The following SLC1A1 variants were observed in gnomAD, a reference collection of about 807,000 sequenced individuals.
SLC1A1 encodes the protein solute carrier family 1 member 1.
Under a neutral mutation model 53.3 loss-of-function variants are expected in SLC1A1, and 43 were observed. The ratio of observed to expected loss-of-function variants is 0.81; its 90% confidence interval spans 0.63 to 1.04. The LOEUF (loss-of-function observed/expected upper bound fraction) is 1.04, where lower values mean the gene tolerates loss of function less well. SLC1A1 is among the 50% of genes least tolerant of loss of function. The pLI, the probability that SLC1A1 is intolerant of heterozygous loss-of-function variation, is 0.00. For synonymous variants in SLC1A1, 307 were observed against 243.2 expected, an observed-to-expected ratio of 1.26 and a Z score of -2.44; for missense variants, 748 against 664.9, an observed-to-expected ratio of 1.12 and a Z score of -1.37.
chr9:4,579,837 G>C (rs901209231), intron 10 of SLC1A1, among the ~76,000 whole-genome samples: 3 of 152,084 alleles, frequency 2.0e-5, no homozygotes, highest in African/African-American at 4.8e-5. Context: ...CCCTTTTGTG[G>C]CTTTATCATA....
At chr9:4,525,975 A>C (rs780728789) in intron 1 of SLC1A1, among the ~76,000 whole-genome samples, 1 of 152,182 alleles carries the variant, frequency 6.6e-6, no homozygotes, top group African/African-American at 2.4e-5. Flanking sequence ...ATCAACACAG[A>C]ATTTAGAAGG....
rs1819611585 is a variant in SLC1A1 at position 4,567,616 on chromosome 9, T to A, written c.484-53T>A. 6 of 1,197,534 alleles carry A rather than the reference T, an allele frequency of 5.0e-6. No individual in the cohort carries two copies. The South Asian group carries it at 7.6e-5, about 15-fold the overall frequency. The allele number at this position is 1,197,534 out of a possible 1,614,324, so 74.2% of individuals were successfully genotyped here. A position where few individuals can be genotyped will look rare whatever the true frequency, so the allele number is the denominator to read the frequency against. ...GTTCCTGTGATTTAGTCTCAAAAGC[T>A]TAAAAAAAATTCTTTTTTTGTTTGC... On this transcript the variant is annotated intron_variant, in intron 5 of 11. Coordinates refer to ENST00000262352, the MANE Select transcript of SLC1A1 (RefSeq NM_004170.6).
intron 2 of SLC1A1, among the ~76,000 whole-genome samples, chr9:4,555,837 G>A (rs1818324190): frequency 1.3e-5 from 2 of 152,136 alleles, no homozygotes; most frequent in South Asian, 4.2e-4. Context: ...TCCGCACCAG[G>A]GCTTCACAAA....
Position 4,580,562 on chromosome 9 carries a change from CAG to C in SLC1A1, c.1194-2473_1194-2472del, listed in dbSNP as rs1458814382. ...TGCCACTGAACTCCAGCCTGGGCAACAGAGTGAGACCTTGTCTCTGGAAAAAA... is the reference window on the plus strand; with the variant it reads ...TGCCACTGAACTCCAGCCTGGGCAACAGTGAGACCTTGTCTCTGGAAAAAA... On this transcript the variant is annotated intron_variant, in intron 10 of 11. Transcript: ENST00000262352. Among the ~76,000 whole-genome samples the C allele has an allele frequency of 5.0e-5, 7 of 140,218 alleles. No individual in the cohort carries two copies. The East Asian group carries it at 1.5e-3, about 29-fold the overall frequency. 92.0% of individuals were successfully genotyped at this position (140,218 alleles called of 152,430 possible).
chr9:4,513,255 G>T (rs1387955374), intron 1 of SLC1A1, among the ~76,000 whole-genome samples: 2 of 152,064 alleles, frequency 1.3e-5, no homozygotes, highest in South Asian at 2.1e-4. Flanking sequence ...TTAAGAGAAT[G>T]AACAAACAAG....
At chr9:4,520,019 TTTTGA>T (rs749405665) in intron 1 of SLC1A1, among the ~76,000 whole-genome samples, 1 of 152,226 alleles carries the variant, frequency 6.6e-6, no homozygotes, top group African/African-American at 2.4e-5. Flanking sequence ...CTGTTGGCTG[TTTTGA>T]TTTATCTTTA....
intron 2 of SLC1A1, among the ~76,000 whole-genome samples, chr9:4,550,280 AC>A (rs1365692039): frequency 7.2e-5 from 11 of 152,212 alleles, no homozygotes; most frequent in African/African-American, 2.7e-4. Context: ...GATTTAAAAA[AC>A]AAAAAATGCT....
At chr9:4,509,851 T>C (rs557186936) in intron 1 of SLC1A1, among the ~76,000 whole-genome samples, 11 of 152,314 alleles carry the variant, frequency 7.2e-5, no homozygotes, top group African/African-American at 2.6e-4. Flanking sequence ...ATTTATTTAC[T>C]GAGATGGAAT....
intron 1 of SLC1A1, among the ~76,000 whole-genome samples, chr9:4,539,072 T>G (rs1816795239): frequency 6.7e-6 from 1 of 148,154 alleles, no homozygotes; most frequent in African/African-American, 2.5e-5. Flanking sequence ...CAAAATTAAT[T>G]TACATAGAGA....
intron 1 of SLC1A1, among the ~76,000 whole-genome samples, chr9:4,505,980 C>A (rs531494478): frequency 6.6e-6 from 1 of 152,110 alleles, no homozygotes; most frequent in Non-Finnish European, 1.5e-5. Flanking sequence ...CCCACCACCA[C>A]GCCTGGCTAA....
chr9:4,567,541 A>AG (rs1399245983), intron 5 of SLC1A1, 128 bp from the exon 6 acceptor site: 1 of 696,920 alleles, frequency 1.4e-6, no homozygotes, highest in Non-Finnish European at 2.6e-6. Flanking sequence ...GAGCCAACAG[A>AG]GGCATTGGAT....
intron 2 of SLC1A1, among the ~76,000 whole-genome samples, chr9:4,545,072 A>C (rs775315357): frequency 2.0e-5 from 3 of 152,202 alleles, no homozygotes; most frequent in Non-Finnish European, 2.9e-5. Context: ...ATTACAATTC[A>C]AGATGAGATT....
At position 4,572,318 on chromosome 9, in the gene SLC1A1, G is replaced by T; in HGVS notation, c.697G>T (p.Gly233Ter). 6.2e-7 allele frequency: 1 copy of T among 1,614,104 alleles called. No homozygotes were observed. Among genetic ancestry groups the T allele is most frequent in the Non-Finnish European group, 8.5e-7 (1 of 1,179,970 alleles). The change falls in exon 7 of 12, where the codon GGA becomes TGA. Residue 233 changes from glycine (G) to a stop codon, truncating the protein, a stop_gained. Coordinates refer to ENST00000262352, the MANE Select transcript of SLC1A1 (RefSeq NM_004170.6). LOFTEE classifies it high-confidence loss of function. The part of the protein sequence containing the change: ...GLVIGKMGEK[G>*]QILVDFFNAL... ...TGTCATTGGAAAAATGGGAGAAAAG[G>T]GACAAATTCTGGTGGATTTCTTCAA... is the stretch of plus-strand genomic sequence containing the variant.
At chr9:4,555,635 C>T (rs549747342) in intron 2 of SLC1A1, among the ~76,000 whole-genome samples, 55 of 152,308 alleles carry the variant, frequency 3.6e-4, no homozygotes, top group African/African-American at 1.3e-3. Flanking sequence ...GGGATTTTAT[C>T]CCTGTTTCTA....
intron 1 of SLC1A1, among the ~76,000 whole-genome samples, chr9:4,503,208 A>G (rs1173621266): frequency 2.6e-5 from 4 of 151,720 alleles, no homozygotes; most frequent in Admixed American, 6.6e-5. Context: ...ACTCTTCACT[A>G]CTGAGCTCTG....
At chr9:4,511,745 G>C (rs889300744) in intron 1 of SLC1A1, among the ~76,000 whole-genome samples, 4 of 152,020 alleles carry the variant, frequency 2.6e-5, no homozygotes, top group Non-Finnish European at 5.9e-5. Context: ...GCAAGAAAAA[G>C]AAATAAAAGG....
In SLC1A1 at chr9:4,564,228, G is replaced by T. The variant is rs1343519277; in HGVS notation, c.326-116G>T. The T allele has an allele frequency of 8.0e-6, 6 of 754,158 alleles. No homozygotes were observed. In the African/African-American group the frequency reaches 8.6e-5, roughly 11 times the overall value. The allele number at this position is 754,158 out of a possible 1,614,324, so 46.7% of individuals were successfully genotyped here. A position where few individuals can be genotyped will look rare whatever the true frequency, so the allele number is the denominator to read the frequency against. On this transcript the variant is annotated intron_variant, in intron 3 of 11. Coordinates refer to ENST00000262352, the MANE Select transcript of SLC1A1 (RefSeq NM_004170.6). ...CTCAGCATTTTGGCTGGACCTCAGGGTCCTCCCCATCACACTATTGCCTGG... is the reference window on the plus strand; with the variant it reads ...CTCAGCATTTTGGCTGGACCTCAGGTTCCTCCCCATCACACTATTGCCTGG...
chr9:4,521,632 T>G (rs1006606592), intron 1 of SLC1A1, among the ~76,000 whole-genome samples: 1 of 152,198 alleles, frequency 6.6e-6, no homozygotes, highest in African/African-American at 2.4e-5. Flanking sequence ...CATGATGAGT[T>G]TGCTGTTTGA....
chr9:4,507,367 G>T (rs1437782573), intron 1 of SLC1A1, among the ~76,000 whole-genome samples: 1 of 152,074 alleles, frequency 6.6e-6, no homozygotes, highest in Non-Finnish European at 1.5e-5. Flanking sequence ...GTCATTTCTG[G>T]ACCTTTAATG....
Sources: allele counts gnomAD v4.1 joint callset (sites outside exome capture counted in the v4.1 genomes callset), GRCh38; gene constraint gnomAD v4.1.1; transcripts MANE v1.5; gene names NCBI Gene and HGNC (gene_info 2026-07-23, HGNC 2026-07-21).